AFAP1L1: variants seen among roughly 807,000 people sequenced by gnomAD.
AFAP1L1 encodes the protein actin filament-associated protein 1-like 1.
A neutral mutation model predicts 99.8 loss-of-function variants in AFAP1L1; 77 were observed. That is an observed-to-expected ratio of 0.77 (90% CI 0.64 to 0.93). The LOEUF (loss-of-function observed/expected upper bound fraction) is 0.93, where lower values mean the gene tolerates loss of function less well. AFAP1L1 is among the 40% of genes least tolerant of loss of function. The probability of loss-of-function intolerance (pLI) is 0.00; values close to 1 mark genes in which losing one functional copy is unlikely to be tolerated. For synonymous variants in AFAP1L1, 373 were observed against 395.3 expected, an observed-to-expected ratio of 0.94 and a Z score of 0.67; for missense variants, 893 against 996.8, an observed-to-expected ratio of 0.90 and a Z score of 1.40.
chr5:149,323,874 G>A (rs1442636667), intron 15 of AFAP1L1, among the ~76,000 whole-genome samples: 1 of 152,196 alleles, frequency 6.6e-6, no homozygotes, highest in African/African-American at 2.4e-5. Flanking sequence ...AAAAAAGCAT[G>A]TAAGATTAAA....
intron 1 of AFAP1L1, among the ~76,000 whole-genome samples, chr5:149,279,088 C>A (rs1055504709): frequency 1.3e-5 from 2 of 152,174 alleles, no homozygotes; most frequent in East Asian, 3.8e-4. Context: ...TCTTTTTATG[C>A]CAGCAACTCA....
intron 15 of AFAP1L1, among the ~76,000 whole-genome samples, chr5:149,324,687 C>T (rs532775661): frequency 3.9e-5 from 6 of 152,260 alleles, no homozygotes; most frequent in East Asian, 1.9e-4. Flanking sequence ...AGACGTTGGC[C>T]GGTCATCTGA....
At chr5:149,304,963 A>AG (rs11424607) in intron 5 of AFAP1L1, among the ~76,000 whole-genome samples, 150,996 of 152,220 alleles carry the variant, frequency 0.99, 74,904 homozygotes, top group East Asian at 1. Flanking sequence ...GGCTTCCTGG[A>AG]GGGGGATGTG....
At chr5:149,307,706 A>C in intron 7 of AFAP1L1, 93 bp downstream of exon 7, 1 of 1,349,342 alleles carries the variant, frequency 7.4e-7, no homozygotes, top group South Asian at 1.3e-5. Flanking sequence ...TGCCTTGGGC[A>C]TACCTGGATT....
chr5:149,336,025 G>T (rs1757396017), intron 18 of AFAP1L1, among the ~76,000 whole-genome samples: 1 of 152,182 alleles, frequency 6.6e-6, no homozygotes, highest in Non-Finnish European at 1.5e-5. Context: ...AGGACGATGG[G>T]ACTTGCCCAG....
chr5:149,318,190 G>T lies in AFAP1L1; in HGVS notation c.1479+250G>T, dbSNP rs137980920. On this transcript the variant is annotated intron_variant, in intron 12 of 18. Transcript: ENST00000296721. The stretch of plus-strand genomic sequence containing the variant: ...TCATAATAAAATAGGCATGTCCCAC[G>T]CAACATTGGAGCTTTATTGATACTA... Among the ~76,000 whole-genome samples, 409 of 152,318 alleles carry T rather than the reference G, an allele frequency of 2.7e-3. 2 individuals are homozygous for T. The highest frequency in any genetic ancestry group is 9.3e-3 in the African/African-American group (385 of 41,554).
At position 149,323,014 on chromosome 5, in the gene AFAP1L1, G is replaced by A. The variant is rs796977404; in HGVS notation, c.1810+297G>A. On this transcript the variant is annotated intron_variant, in intron 15 of 18. Transcript: ENST00000296721. ...AGGCTGCTGCTCAGCTCCAGCAGAT[G>A]ATCCCTATGCAGCAGTACCAGGCCC... Among the ~76,000 whole-genome samples the A allele has an allele frequency of 1.3e-4, 20 of 152,248 alleles. 1 individual carries two copies. Among genetic ancestry groups the A allele is most frequent in the African/African-American group, 4.8e-4 (20 of 41,558 alleles).
rs752781956 is a variant in AFAP1L1 at position 149,307,617 on chromosome 5, A to C, written c.747+4A>C. ...CATCAGGGAGGACCAGCTCCTGGTG[A>C]GTGGTCAGCAGCAGCCATGTGCCTC... On this transcript the variant is annotated splice_donor_region_variant and intron_variant, in intron 7 of 18. Transcript: ENST00000296721. 4 of 1,611,646 alleles carry C rather than the reference A, an allele frequency of 2.5e-6. No homozygotes were observed. The highest frequency in any genetic ancestry group is 3.4e-6 in the Non-Finnish European group (4 of 1,179,800).
At chr5:149,278,370 C>G (rs988451682) in intron 1 of AFAP1L1, among the ~76,000 whole-genome samples, 10 of 152,304 alleles carry the variant, frequency 6.6e-5, no homozygotes, top group African/African-American at 7.2e-5. Context: ...GCTTCCACTT[C>G]CATTGGACCA....
intron 12 of AFAP1L1, among the ~76,000 whole-genome samples, chr5:149,319,077 A>T (rs557145571): frequency 6.6e-6 from 1 of 152,322 alleles, no homozygotes; most frequent in East Asian, 1.9e-4. Context: ...TTAATTTTAT[A>T]AGATGCTCTT....
At chr5:149,322,744 T>A in intron 15 of AFAP1L1, 27 bp downstream of exon 15, 1 of 1,537,010 alleles carries the variant, frequency 6.5e-7, no homozygotes, top group African/African-American at 1.4e-5. Context: ...CCTCCCCTGC[T>A]GACTAGGGAG....
chr5:149,290,896 G>T (rs1038522032), intron 1 of AFAP1L1, among the ~76,000 whole-genome samples: 3 of 152,218 alleles, frequency 2.0e-5, no homozygotes, highest in Non-Finnish European at 4.4e-5. Flanking sequence ...CCCTATGTTT[G>T]GCGCTAGCCA....
chr5:149,290,917 T>C (rs899341355), intron 1 of AFAP1L1, among the ~76,000 whole-genome samples: 3 of 152,272 alleles, frequency 2.0e-5, no homozygotes, highest in Admixed American at 6.5e-5. Flanking sequence ...AAGCTGGCAA[T>C]GTTCGTGCAC....
chr5:149,315,977 C>T, intron 10 of AFAP1L1, 63 bp downstream of exon 10: 1 of 1,598,950 alleles, frequency 6.3e-7, no homozygotes, highest in Non-Finnish European at 8.6e-7. Flanking sequence ...TGCCCATGGG[C>T]ACACAGCGGC....
Position 149,320,375 on chromosome 5 carries a change from A to T in AFAP1L1, c.1626-16A>T, listed in dbSNP as rs1439063165. On this transcript the variant is annotated splice_polypyrimidine_tract_variant and intron_variant, in intron 13 of 18. Transcript: ENST00000296721. The surrounding 1 kb of genome is among the most constrained non-coding windows in gnomAD (Gnocchi z 4.0). ...TCATTGTCATTGTCATTGTCATCGT[A>T]CATTTTATTTTCTAGATATGCAAGA... is the stretch of plus-strand genomic sequence containing the variant. 1.2e-6 allele frequency: 2 copies of T among 1,612,640 alleles called. No homozygotes were observed. Among genetic ancestry groups the T allele is most frequent in the Non-Finnish European group, 1.7e-6 (2 of 1,178,848 alleles).
At position 149,315,885 on chromosome 5, in the gene AFAP1L1, C is replaced by T; in HGVS notation, c.1085C>T (p.Thr362Ile). 1.2e-6 allele frequency: 2 copies of T among 1,614,164 alleles called. No individual in the cohort carries two copies. Among genetic ancestry groups the T allele is most frequent in the Non-Finnish European group, 1.7e-6 (2 of 1,180,028 alleles). The change falls in exon 10 of 19, where the codon ACC becomes ATC. Residue 362 changes from threonine to isoleucine, a missense_variant. Physicochemically the swap from Thr to Ile is moderately conservative, Grantham distance 89. Coordinates refer to ENST00000296721, the MANE Select transcript of AFAP1L1 (RefSeq NM_152406.4). Reference sequence around the variant, plus strand: ...GTGGGTGTGGGTGACAACTGTTCTACCCTTGGCCGCCGGGAGACCTGTGAT... The same window carrying T: ...GTGGGTGTGGGTGACAACTGTTCTATCCTTGGCCGCCGGGAGACCTGTGAT... ...DSVGVGDNCS[T>I]LGRRETCDHG...
chr5:149,294,142 A>G (rs1455484140), intron 1 of AFAP1L1, among the ~76,000 whole-genome samples: 1 of 152,152 alleles, frequency 6.6e-6, no homozygotes, highest in Non-Finnish European at 1.5e-5. Flanking sequence ...AGTATTTTGC[A>G]GAGGTTGAAC....
chr5:149,276,010 T>C (rs1360282776), intron 1 of AFAP1L1, among the ~76,000 whole-genome samples: 3 of 152,168 alleles, frequency 2.0e-5, no homozygotes, highest in Non-Finnish European at 4.4e-5. Context: ...GCTCATTCAT[T>C]CTCCATATGA....
chr5:149,337,028 A>G (rs900003146), intron 18 of AFAP1L1, among the ~76,000 whole-genome samples: 2 of 152,234 alleles, frequency 1.3e-5, no homozygotes, highest in Non-Finnish European at 2.9e-5. Context: ...AAGCTAAGAA[A>G]TGTGGAGACT....
Sources: gnomAD v4.1 joint callset for allele counts (sites outside exome capture counted in the v4.1 genomes callset) on GRCh38, gnomAD v4.1.1 for gene constraint, Gnocchi (gnomAD v3.1) non-coding constraint, MANE v1.5 for transcripts, NCBI Gene and HGNC (gene_info 2026-07-23, HGNC 2026-07-21) for gene names.